The following LRMDA variants were observed in gnomAD, a reference collection of about 807,000 sequenced individuals.
LRMDA encodes leucine rich melanocyte differentiation associated.
LRMDA carries 18 observed loss-of-function variants against 29.8 expected under a neutral mutation model. The observed-to-expected ratio is 0.60, with a 90% CI of 0.42 to 0.90. The LOEUF is 0.90. LRMDA is among the 40% of genes least tolerant of loss of function. The pLI, the probability that LRMDA is intolerant of heterozygous loss-of-function variation, is 0.00. For synonymous variants in LRMDA, 125 were observed against 109.4 expected, an observed-to-expected ratio of 1.14 and a Z score of -0.89; for missense variants, 273 against 273.9, an observed-to-expected ratio of 1.00 and a Z score of 0.02.
intron 6 of LRMDA, among the ~76,000 whole-genome samples, chr10:76,425,054 T>TGAGATGCTGGAACGTG (rs1415683395): frequency 2.8e-4 from 42 of 152,314 alleles, no homozygotes; most frequent in African/African-American, 9.1e-4. Context: ...TTGTTGTATT[T>TGAGATGCTGGAACGTG]GAGATGCTGG....
intron 2 of LRMDA, among the ~76,000 whole-genome samples, chr10:75,887,703 A>G (rs1392679906): frequency 6.6e-6 from 1 of 152,186 alleles, no homozygotes; most frequent in Admixed American, 6.5e-5. Flanking sequence ...CCCTTTACAG[A>G]AAAAGCTTGG....
intron 6 of LRMDA, among the ~76,000 whole-genome samples, chr10:76,406,019 C>T (rs750281857): frequency 1.1e-4 from 17 of 152,214 alleles, no homozygotes; most frequent in Non-Finnish European, 2.1e-4. Context: ...CAAATGTCCT[C>T]TTATTTAACT....
At chr10:76,211,874 G>C (rs1047341698) in intron 5 of LRMDA, among the ~76,000 whole-genome samples, 3 of 152,268 alleles carry the variant, frequency 2.0e-5, no homozygotes, top group African/African-American at 7.2e-5. Context: ...CTCATATTCT[G>C]TGGTTATCAC....
In LRMDA at chr10:76,081,918, T is replaced by A. The variant is rs182783444; in HGVS notation, c.516+23135T>A. Among the ~76,000 whole-genome samples, 366 of 152,344 alleles carry A rather than the reference T, an allele frequency of 2.4e-3. 3 individuals are homozygous for A. Among genetic ancestry groups the A allele is most frequent in the African/African-American group, 8.2e-3 (339 of 41,594 alleles). The stretch of plus-strand genomic sequence containing the variant: ...ATTTCTGCTTTGATTGGCTCACATT[T>A]AATAGACAATATCTCTTCTTAGTTT... On this transcript the variant is annotated intron_variant, in intron 5 of 6. Transcript: ENST00000611255.
chr10:75,791,639 G>T (rs1843566695), intron 2 of LRMDA, among the ~76,000 whole-genome samples: 1 of 152,096 alleles, frequency 6.6e-6, no homozygotes, highest in African/African-American at 2.4e-5. Context: ...CAGAATGATT[G>T]GTTATGCTTG....
intron 6 of LRMDA, among the ~76,000 whole-genome samples, chr10:76,448,235 C>G (rs1386397887): frequency 5.3e-5 from 8 of 152,074 alleles, no homozygotes; most frequent in African/African-American, 1.7e-4. Context: ...ATATCCTTCT[C>G]TTTTATACCA....
chr10:76,501,244 T>TTAGTTATTTCAG (rs1478297641), intron 6 of LRMDA, among the ~76,000 whole-genome samples: 1 of 21,218 alleles, frequency 4.7e-5, no homozygotes, highest in African/African-American at 7.8e-5. Flanking sequence ...AAGGTGAACA[T>TTAGTTATTTCAG]ATACCACAGT....
intron 2 of LRMDA, among the ~76,000 whole-genome samples, chr10:75,890,955 T>G (rs1484099650): frequency 6.6e-6 from 1 of 151,780 alleles, no homozygotes; most frequent in Non-Finnish European, 1.5e-5. Flanking sequence ...AATATGAAAA[T>G]TAGTTGGCCA....
intron 6 of LRMDA, among the ~76,000 whole-genome samples, chr10:76,358,795 G>A (rs950007965): frequency 1.3e-5 from 2 of 152,208 alleles, no homozygotes; most frequent in Admixed American, 6.5e-5. Context: ...GGAATGTTGG[G>A]GGTTGAGTAG....
intron 2 of LRMDA, among the ~76,000 whole-genome samples, chr10:75,611,552 G>A (rs1164845854): frequency 2.0e-5 from 3 of 152,034 alleles, no homozygotes; most frequent in Non-Finnish European, 4.4e-5. Flanking sequence ...GCCCCAGGCA[G>A]CCTCCATTCC....
intron 5 of LRMDA, among the ~76,000 whole-genome samples, chr10:76,252,840 C>T (rs1033485227): frequency 3.3e-5 from 5 of 152,188 alleles, no homozygotes; most frequent in Non-Finnish European, 2.9e-5. Flanking sequence ...AACTTGTAAT[C>T]GCCTTCGTTT....
chr10:75,937,667 T>C (rs1846320867), intron 2 of LRMDA, among the ~76,000 whole-genome samples: 1 of 152,188 alleles, frequency 6.6e-6, no homozygotes, highest in Non-Finnish European at 1.5e-5. Flanking sequence ...GATCTGGTAT[T>C]TGAGATAATC....
chr10:75,841,420 G>A (rs918329820), intron 2 of LRMDA, among the ~76,000 whole-genome samples: 2 of 152,314 alleles, frequency 1.3e-5, no homozygotes, highest in African/African-American at 2.4e-5. Flanking sequence ...AGCCAGTCCT[G>A]GGAGCCTGAG....
At position 75,916,164 on chromosome 10, in the gene LRMDA, ATG is replaced by A. The variant is rs34666507; in HGVS notation, c.132-119813_132-119812del. ...AATGGGCATGGCCATTGCCAGGCCT[ATG>A]TGTGTGTGTGTGTGTGTGTGTGTGT... is the stretch of plus-strand genomic sequence containing the variant. On this transcript the variant is annotated intron_variant, in intron 2 of 6. Coordinates refer to ENST00000611255, the MANE Select transcript of LRMDA (RefSeq NM_001305581.2). Among the ~76,000 whole-genome samples the A allele has an allele frequency of 3.2e-4, 40 of 124,480 alleles. No homozygotes were observed. In the East Asian group the frequency reaches 6.1e-3, roughly 19 times the overall value. The allele number at this position is 124,480 out of a possible 152,430, so 81.7% of individuals were successfully genotyped here.
chr10:76,461,174 G>C (rs1318631221), intron 6 of LRMDA, among the ~76,000 whole-genome samples: 2 of 152,068 alleles, frequency 1.3e-5, no homozygotes, highest in Non-Finnish European at 2.9e-5. Context: ...GAGTGCTCTT[G>C]GGTTATGGGA....
intron 2 of LRMDA, among the ~76,000 whole-genome samples, chr10:75,955,091 CATTAG>C (rs1340717527): frequency 2.0e-5 from 3 of 152,108 alleles, no homozygotes; most frequent in Non-Finnish European, 4.4e-5. Flanking sequence ...ATCAACGGCA[CATTAG>C]ATTCATATAA....
chr10:76,349,927 A>T (rs191453088), intron 6 of LRMDA, among the ~76,000 whole-genome samples: 2 of 152,246 alleles, frequency 1.3e-5, no homozygotes, highest in African/African-American at 4.8e-5. Flanking sequence ...AAACAAAAAA[A>T]CAGAAGCCGG....
chr10:75,493,293 A>G (rs1247598539), intron 2 of LRMDA, among the ~76,000 whole-genome samples: 2 of 150,914 alleles, frequency 1.3e-5, no homozygotes, highest in African/African-American at 4.9e-5. Context: ...GAATTCTTAC[A>G]AGTTTTGGCT....
chr10:76,124,653 C>T (rs1236915221), intron 5 of LRMDA, among the ~76,000 whole-genome samples: 2 of 152,242 alleles, frequency 1.3e-5, no homozygotes, highest in East Asian at 3.9e-4. Flanking sequence ...GTCCTGAATC[C>T]AGCCCCTTGG....
Sources: gnomAD v4.1 joint callset for allele counts (sites outside exome capture counted in the v4.1 genomes callset) on GRCh38, gnomAD v4.1.1 for gene constraint, MANE v1.5 for transcripts, NCBI Gene and HGNC (gene_info 2026-07-23, HGNC 2026-07-21) for gene names.